The following SDK2 variants were observed in gnomAD, a reference collection of about 807,000 sequenced individuals.
The protein encoded by SDK2 is protein sidekick-2.
In SDK2, 105 loss-of-function variants were observed where a neutral mutation model predicts 253.9. That is an observed-to-expected ratio of 0.41 (90% CI 0.35 to 0.49). The LOEUF is 0.49. SDK2 is among the 20% of genes least tolerant of loss of function. The pLI, the probability that SDK2 is intolerant of heterozygous loss-of-function variation, is 0.06. For missense variants in SDK2, 2,608 were observed against 3,003.0 expected (o/e 0.87, Z 3.07); for synonymous variants, 1,249 against 1,234.9 (o/e 1.01, Z -0.24).
chr17:73,559,805 A>G (rs1201979235), intron 1 of SDK2, among the ~76,000 whole-genome samples: 3 of 152,174 alleles, frequency 2.0e-5, no homozygotes, highest in Non-Finnish European at 2.9e-5. Flanking sequence ...TAATGCCACA[A>G]AAACCTTGCT....
At position 73,361,871 on chromosome 17, in the gene SDK2, C is replaced by T; in HGVS notation, c.5306-26G>A. On this transcript the variant is annotated intron_variant, in intron 38 of 44. Coordinates refer to ENST00000392650, the MANE Select transcript of SDK2 (RefSeq NM_001144952.2). The surrounding 1 kb of genome is among the most constrained non-coding windows in gnomAD (Gnocchi z 4.1). ...CTGGGGGAGGCACAGCAAGTGGGGA[C>T]TGGGCACAGGGCCCACCGAGGGCAC... The T allele has an allele frequency of 6.4e-7, 1 of 1,556,438 alleles. No homozygotes were observed. Among genetic ancestry groups the T allele is most frequent in the African/African-American group, 1.4e-5 (1 of 74,032 alleles).
chr17:73,489,063 G>A (rs1252859354), intron 2 of SDK2, among the ~76,000 whole-genome samples: 1 of 152,200 alleles, frequency 6.6e-6, no homozygotes, highest in East Asian at 1.9e-4. Context: ...CAGACACTGT[G>A]TTAGGCACTG....
At chr17:73,371,722 G>A (rs966853434) in intron 36 of SDK2, among the ~76,000 whole-genome samples, 1 of 152,184 alleles carries the variant, frequency 6.6e-6, no homozygotes, top group Admixed American at 6.5e-5. Context: ...CACTTTGGAA[G>A]GCTGAGGCAG....
chr17:73,377,330 T>A (rs2062790936), intron 36 of SDK2, among the ~76,000 whole-genome samples: 1 of 151,704 alleles, frequency 6.6e-6, no homozygotes, highest in Non-Finnish European at 1.5e-5. Context: ...ACGATTCTCC[T>A]GCCTCAGCCT....
chr17:73,457,676 A>T lies in SDK2; in HGVS notation c.332-1623T>A, dbSNP rs189421305. On this transcript the variant is annotated intron_variant, in intron 3 of 44. Transcript: ENST00000392650. Reference sequence around the variant, plus strand: ...TACATCACCCCAAGCCATCACTAGGATGTGCCTGGACCTGTGCACAGAATT... The same window carrying T: ...TACATCACCCCAAGCCATCACTAGGTTGTGCCTGGACCTGTGCACAGAATT... Among the ~76,000 whole-genome samples, 455 of 151,888 alleles carry T rather than the reference A, an allele frequency of 3.0e-3. 3 individuals carry two copies. The highest frequency in any genetic ancestry group is 9.7e-3 in the African/African-American group (401 of 41,436).
In SDK2 at chr17:73,457,321, T is replaced by C. The variant is rs1490764639; in HGVS notation, c.332-1268A>G. Among the ~76,000 whole-genome samples the C allele has an allele frequency of 7.1e-3, 676 of 95,260 alleles. 16 individuals carry two copies. Among genetic ancestry groups the C allele is most frequent in the African/African-American group, 0.019 (451 of 24,378 alleles). 62.5% of individuals were successfully genotyped at this position (95,260 alleles called of 152,430 possible). A position where few individuals can be genotyped will look rare whatever the true frequency, so the allele number is the denominator to read the frequency against. On this transcript the variant is annotated intron_variant, in intron 3 of 44. Coordinates refer to ENST00000392650, the MANE Select transcript of SDK2 (RefSeq NM_001144952.2). Reference sequence around the variant, plus strand: ...TCCCTCCCCCTCCCCCCCTCCCCTCTCCTCCCCTCCCCTCTCCTCTCCTCT... The same window carrying C: ...TCCCTCCCCCTCCCCCCCTCCCCTCCCCTCCCCTCCCCTCTCCTCTCCTCT...
At chr17:73,347,203 T>C (rs149031838) in intron 44 of SDK2, among the ~76,000 whole-genome samples, 30 of 152,168 alleles carry the variant, frequency 2.0e-4, no homozygotes, top group South Asian at 1.2e-3. Context: ...TCTACTAAAA[T>C]ACAAAAATTA....
At chr17:73,562,121 G>A (rs527732910) in intron 1 of SDK2, among the ~76,000 whole-genome samples, 9 of 152,052 alleles carry the variant, frequency 5.9e-5, no homozygotes, top group South Asian at 2.1e-4. Flanking sequence ...GCGAAACTCC[G>A]TCTCAAAAAA....
In SDK2 at chr17:73,350,805, G is replaced by A. The variant is rs1302720646; in HGVS notation, c.5759-15C>T. On this transcript the variant is annotated splice_polypyrimidine_tract_variant and intron_variant, in intron 41 of 44. Transcript: ENST00000392650. ...GGCTTTCTGGGCTGGAGCACAGATAGTCAGGTATATAGGGTGCTCAGCCCC... is the reference window on the plus strand; with the variant it reads ...GGCTTTCTGGGCTGGAGCACAGATAATCAGGTATATAGGGTGCTCAGCCCC... 3.1e-6 allele frequency: 5 copies of A among 1,601,246 alleles called. No individual in the cohort carries two copies. The highest frequency in any genetic ancestry group is 1.1e-5 in the South Asian group (1 of 89,880).
intron 16 of SDK2, among the ~76,000 whole-genome samples, chr17:73,416,376 T>TA (rs2063182761): frequency 6.6e-6 from 1 of 151,884 alleles, no homozygotes; most frequent in African/African-American, 2.4e-5. Flanking sequence ...TTTGTATTTT[T>TA]AGTAGAGACA....
chr17:73,581,168 C>T (rs1369261861), intron 1 of SDK2, among the ~76,000 whole-genome samples: 1 of 152,158 alleles, frequency 6.6e-6, no homozygotes, highest in African/African-American at 2.4e-5. Flanking sequence ...CAGTGTGAGC[C>T]ACTGCGCTCA....
chr17:73,643,544 G>C lies in SDK2; in HGVS notation c.64+481C>G, dbSNP rs2046424814. On this transcript the variant is annotated intron_variant, in intron 1 of 44. Coordinates refer to ENST00000392650, the MANE Select transcript of SDK2 (RefSeq NM_001144952.2). The surrounding 1 kb of genome is among the most constrained non-coding windows in gnomAD (Gnocchi z 6.9). ...TTGCTCTCCCCGGGCGAGCAACCCGGCATCCAGCGCTCGCCCACCCCACTC... is the reference window on the plus strand; with the variant it reads ...TTGCTCTCCCCGGGCGAGCAACCCGCCATCCAGCGCTCGCCCACCCCACTC... 6.6e-6 allele frequency among the ~76,000 whole-genome samples: 1 copy of C among 152,104 alleles called. No individual in the cohort carries two copies. The highest frequency in any genetic ancestry group is 1.5e-5 in the Non-Finnish European group (1 of 67,982).
intron 15 of SDK2, among the ~76,000 whole-genome samples, chr17:73,420,191 G>A (rs1383380612): frequency 6.6e-6 from 1 of 152,246 alleles, no homozygotes; most frequent in Non-Finnish European, 1.5e-5. Flanking sequence ...ATTGCTGGGG[G>A]ATGCTGTGTT....
At chr17:73,469,734 T>C (rs2063630607) in intron 3 of SDK2, among the ~76,000 whole-genome samples, 1 of 152,044 alleles carries the variant, frequency 6.6e-6, no homozygotes, top group East Asian at 1.9e-4. Flanking sequence ...ATCAAGGAGC[T>C]GAGTCTGGGC....
At chr17:73,501,158 C>T (rs2063887872) in intron 2 of SDK2, among the ~76,000 whole-genome samples, 1 of 152,156 alleles carries the variant, frequency 6.6e-6, no homozygotes, top group Non-Finnish European at 1.5e-5. Context: ...CTGCTGTACT[C>T]AGACAGGCTC....
chr17:73,496,485 G>T lies in SDK2; in HGVS notation c.224+10953C>A, dbSNP rs1173145709. Among the ~76,000 whole-genome samples the T allele has an allele frequency of 6.6e-6, 1 of 152,152 alleles. No homozygotes were observed. Among genetic ancestry groups the T allele is most frequent in the Non-Finnish European group, 1.5e-5 (1 of 68,026 alleles). On this transcript the variant is annotated intron_variant, in intron 2 of 44. Coordinates refer to ENST00000392650, the MANE Select transcript of SDK2 (RefSeq NM_001144952.2). The surrounding 1 kb of genome is among the most constrained non-coding windows in gnomAD (Gnocchi z 4.7). Reference sequence around the variant, plus strand: ...GGGCACGAGGGCATGAAAGAGCAGAGACCACGGGTGCACGATGCGTTCTGC... The same window carrying T: ...GGGCACGAGGGCATGAAAGAGCAGATACCACGGGTGCACGATGCGTTCTGC...
intron 8 of SDK2, 120 bp downstream of exon 8, chr17:73,437,619 A>AG (rs34305420): frequency 0.25 from 217,104 of 872,804 alleles, 29,351 homozygotes; most frequent in South Asian, 0.38. Context: ...AGCCAGACAG[A>AG]CTCTCTGCCT....
At position 73,390,308 on chromosome 17, in the gene SDK2, C is replaced by A. The variant is rs142762724; in HGVS notation, c.4171G>T (p.Val1391Leu). The change falls in exon 29 of 45, where the codon GTG (valine) becomes TTG (leucine). Residue 1391 changes from valine to leucine, a missense_variant. By Grantham distance (32) the Val-to-Leu change is conservative. Around this residue, in one of 2 missense-constraint regions of SDK2, gnomAD observed 1,103 missense variants for 1,143.9 expected, o/e 0.96. Transcript: ENST00000392650. The stretch of plus-strand genomic sequence containing the variant: ...TCACCTCTCTTCTCGGTGGTCACCA[C>A]CAAGGCCTCGGCAGCTTCTCCCCAG... ...KGWGEAAEAL[V>L]VTTEKRDRPQ... 233 of 1,561,560 alleles carry A rather than the reference C, an allele frequency of 1.5e-4. No individual in the cohort carries two copies. The highest frequency in any genetic ancestry group is 1.9e-4 in the Non-Finnish European group (224 of 1,155,022).
At chr17:73,366,887 T>C (rs1442681901) in intron 37 of SDK2, among the ~76,000 whole-genome samples, 2 of 151,966 alleles carry the variant, frequency 1.3e-5, no homozygotes, top group Non-Finnish European at 2.9e-5. Context: ...CTGCCTCTAC[T>C]CTCTCCCCTC....
Sources: allele counts gnomAD v4.1 joint callset (sites outside exome capture counted in the v4.1 genomes callset), GRCh38; gene constraint gnomAD v4.1.1; regional missense constraint gnomAD v4.1.1; non-coding constraint Gnocchi (gnomAD v3.1); transcripts MANE v1.5; gene names NCBI Gene and HGNC (gene_info 2026-07-23, HGNC 2026-07-21).